The following ATXN2 variants were observed in gnomAD, a reference collection of about 807,000 sequenced individuals.
ATXN2 encodes ataxin 2, also known as ataxin-2.
ATXN2 carries 37 observed loss-of-function variants against 138.6 expected under a neutral mutation model. The ratio of observed to expected loss-of-function variants is 0.27; its 90% confidence interval spans 0.21 to 0.35. The LOEUF is 0.35. ATXN2 is among the 10% of genes least tolerant of loss of function. The pLI is 1.00. For missense variants in ATXN2, 1,216 were observed against 1,480.3 expected, an observed-to-expected ratio of 0.82 and a Z score of 2.93; for synonymous variants, 549 against 543.7, an observed-to-expected ratio of 1.01 and a Z score of -0.13.
chr12:111,464,327 GTGTGTGTTTGTGT>G (rs1566005272), intron 21 of ATXN2, among the ~76,000 whole-genome samples: 4 of 127,728 alleles, frequency 3.1e-5, no homozygotes, highest in African/African-American at 4.4e-5. Context: ...TGGCTTGGGT[GTGTGTGTTTGTGT>G]GTGTGTGTGT....
At chr12:111,472,246 G>A (rs563658609) in intron 18 of ATXN2, among the ~76,000 whole-genome samples, 1 of 152,138 alleles carries the variant, frequency 6.6e-6, no homozygotes, top group Non-Finnish European at 1.5e-5. Flanking sequence ...CAGCCTCGGC[G>A]AAGAAGTGAG....
intron 1 of ATXN2, among the ~76,000 whole-genome samples, chr12:111,564,524 GC>G (rs915490869): frequency 6.6e-5 from 10 of 151,698 alleles, no homozygotes; most frequent in African/African-American, 2.4e-4. Flanking sequence ...AAGCTATATG[GC>G]CCTAGAGCCT....
intron 21 of ATXN2, among the ~76,000 whole-genome samples, chr12:111,464,320 CTTGGGTGTGTGTGT>C (rs1218977978): frequency 8.5e-6 from 1 of 118,022 alleles, no homozygotes; most frequent in Admixed American, 8.6e-5. Context: ...AAGCTTGTGG[CTTGGGTGTGTGTGT>C]TTGTGTGTGT....
chr12:111,541,371 AAC>A (rs1881500426), intron 5 of ATXN2, among the ~76,000 whole-genome samples: 1 of 139,384 alleles, frequency 7.2e-6, no homozygotes, highest in Non-Finnish European at 1.6e-5. Flanking sequence ...TTTTTTTTGA[AAC>A]AGAGTTTTAC....
intron 5 of ATXN2, among the ~76,000 whole-genome samples, chr12:111,535,129 A>C (rs1881074911): frequency 6.6e-6 from 1 of 152,224 alleles, no homozygotes. Context: ...CTTTCTCAAC[A>C]AATAAATACA....
intron 16 of ATXN2, 41 bp downstream of exon 16, chr12:111,486,720 T>C (rs768046184): frequency 2.6e-6 from 4 of 1,550,144 alleles, no homozygotes; most frequent in Non-Finnish European, 3.5e-6. Context: ...AATTTTTCTT[T>C]TTTTGGGACT....
intron 1 of ATXN2, among the ~76,000 whole-genome samples, chr12:111,589,569 C>T (rs1010272511): frequency 6.6e-5 from 10 of 151,682 alleles, no homozygotes; most frequent in Admixed American, 1.3e-4. Flanking sequence ...GTCGGGAGTT[C>T]GAGACCAGCC....
chr12:111,474,917 C>G (rs749149544), intron 18 of ATXN2, among the ~76,000 whole-genome samples: 12 of 149,602 alleles, frequency 8.0e-5, no homozygotes, highest in Non-Finnish European at 1.6e-4. Flanking sequence ...AACCCCATCT[C>G]TATTAAAAAT....
intron 18 of ATXN2, among the ~76,000 whole-genome samples, chr12:111,482,439 C>A (rs148625412): frequency 1.3e-4 from 20 of 152,026 alleles, no homozygotes; most frequent in Non-Finnish European, 2.5e-4. Flanking sequence ...CGTGATCTGC[C>A]CACCTCGGCC....
At chr12:111,488,930 AAACT>A (rs1435423979) in intron 14 of ATXN2, 150 bp from the exon 15 acceptor site, 6 of 714,062 alleles carry the variant, frequency 8.4e-6, no homozygotes, top group Admixed American at 5.9e-5. Flanking sequence ...CTTTTACTAT[AAACT>A]AACAATAACA....
At chr12:111,522,101 G>A (rs915752636) in intron 6 of ATXN2, among the ~76,000 whole-genome samples, 8 of 151,952 alleles carry the variant, frequency 5.3e-5, no homozygotes, top group African/African-American at 1.7e-4. Context: ...GGGTCCTCCT[G>A]TGCTACTCCA....
At position 111,598,828 on chromosome 12, in the gene ATXN2, C is replaced by T; in HGVS notation, c.207G>A (p.Ser69=). 6.9e-7 allele frequency: 1 copy of T among 1,452,172 alleles called. No individual in the cohort carries two copies. The highest frequency in any genetic ancestry group is 1.3e-5 in the South Asian group (1 of 76,730). 90.0% of individuals were successfully genotyped at this position (1,452,172 alleles called of 1,614,324 possible). A position where few individuals can be genotyped will look rare whatever the true frequency, so the allele number is the denominator to read the frequency against. ...CGCCGCCGGAGGTCGCCGCGACCAC[C>T]GAGGAGGGAGCCGTGGCCGAGGACG... ...VSSSSATAPS[S]VVAATSGGGR... is the part of the protein sequence containing the mutation. The change falls in exon 1 of 25, where the codon TCG becomes TCA. Residue 69 remains serine (S), a synonymous_variant. Coordinates refer to ENST00000673436, the MANE Select transcript of ATXN2 (RefSeq NM_001372574.1). The surrounding 1 kb of genome is among the most constrained non-coding windows in gnomAD (Gnocchi z 4.5).
rs749310357 is a variant in ATXN2 at position 111,470,162 on chromosome 12, C to T, written c.2788G>A (p.Val930Ile). ...CCGTACTGAGTTGCTGAAGAAGATA[C>T]TAAACCAGGCTGGGCGTGTGTTGGT... is the stretch of plus-strand genomic sequence containing the variant. ...APPTHAQPGL[V>I]SSSATQYGAH... Residue 930 changes from valine to isoleucine, a missense_variant, in exon 20 of 25, where the codon GTA becomes ATA. Physicochemically the swap from Val to Ile is conservative, Grantham distance 29. This residue lies in a region of ATXN2 where 490 missense variants were observed against 653.5 expected (regional missense o/e 0.75). Transcript: ENST00000673436. The T allele has an allele frequency of 2.5e-6, 4 of 1,614,136 alleles. No individual in the cohort carries two copies. Among genetic ancestry groups the T allele is most frequent in the Admixed American group, 3.3e-5 (2 of 60,020 alleles).
intron 1 of ATXN2, among the ~76,000 whole-genome samples, chr12:111,594,889 G>A (rs1381843047): frequency 6.6e-6 from 1 of 152,094 alleles, no homozygotes; most frequent in Non-Finnish European, 1.5e-5. Context: ...CTATCAGCAC[G>A]ACAGATAAAC....
chr12:111,463,974 G>C (rs1334721313), intron 21 of ATXN2, among the ~76,000 whole-genome samples: 1 of 152,002 alleles, frequency 6.6e-6, no homozygotes, highest in Non-Finnish European at 1.5e-5. Flanking sequence ...TTTTAGTAGA[G>C]ATGGAGTTTT....
intron 22 of ATXN2, 40 bp downstream of exon 22, chr12:111,457,167 ACTAGGAT>A (rs751218623): frequency 6.3e-7 from 1 of 1,576,272 alleles, no homozygotes; most frequent in South Asian, 1.2e-5. Context: ...GCACTCAGAT[ACTAGGAT>A]AAAGAAGCCA....
intron 2 of ATXN2, among the ~76,000 whole-genome samples, chr12:111,555,463 A>C (rs1246379048): frequency 6.6e-6 from 1 of 152,148 alleles, no homozygotes. Context: ...ATAGTGAGTG[A>C]GTTCTCAGGA....
chr12:111,583,843 G>A (rs1022197509), intron 1 of ATXN2, among the ~76,000 whole-genome samples: 12 of 148,860 alleles, frequency 8.1e-5, no homozygotes, highest in Non-Finnish European at 1.5e-4. Context: ...AATACAAGAT[G>A]CTCAGTTAAA....
intron 21 of ATXN2, among the ~76,000 whole-genome samples, chr12:111,462,134 G>C (rs1875635427): frequency 6.6e-6 from 1 of 152,122 alleles, no homozygotes. Context: ...TTATTCATCA[G>C]TTAAACTTCT....
Sources: allele counts gnomAD v4.1 joint callset (sites outside exome capture counted in the v4.1 genomes callset), GRCh38; gene constraint gnomAD v4.1.1; regional missense constraint gnomAD v4.1.1; non-coding constraint Gnocchi (gnomAD v3.1); transcripts MANE v1.5; gene names NCBI Gene and HGNC (gene_info 2026-07-23, HGNC 2026-07-21).